Variants in OLFML2A observed in about 807,000 individuals in gnomAD.
OLFML2A encodes olfactomedin-like protein 2A.
OLFML2A carries 47 observed loss-of-function variants against 60.9 expected under a neutral mutation model. The observed-to-expected ratio is 0.77, with a 90% CI of 0.61 to 0.98. OLFML2A has a LOEUF of 0.98. Ranked by LOEUF, OLFML2A falls within the 50% of genes least tolerant of loss-of-function variation. The pLI, the probability that OLFML2A is intolerant of heterozygous loss-of-function variation, is 0.00. For synonymous variants in OLFML2A, 372 were observed against 375.0 expected, an observed-to-expected ratio of 0.99 and a Z score of 0.09; for missense variants, 922 against 879.8, an observed-to-expected ratio of 1.05 and a Z score of -0.61.
rs1407477623 is a variant in OLFML2A at position 124,795,022 on chromosome 9, A to G, written c.355-2A>G. On this transcript the variant is annotated splice_acceptor_variant, in intron 2 of 7. Coordinates refer to ENST00000373580, the MANE Select transcript of OLFML2A (RefSeq NM_182487.4). LOFTEE classifies it high-confidence loss of function. Reference sequence around the variant, plus strand: ...GCCTAACCATCCCCCTTCCCCGGGCAGCTGCAGTCCATGGTGGATCTCCTG... The same window carrying G: ...GCCTAACCATCCCCCTTCCCCGGGCGGCTGCAGTCCATGGTGGATCTCCTG... 1 of 1,581,938 alleles carries G rather than the reference A, an allele frequency of 6.3e-7. No homozygotes were observed. Among genetic ancestry groups the G allele is most frequent in the South Asian group, 1.1e-5 (1 of 88,162 alleles).
At position 124,787,007 on chromosome 9, in the gene OLFML2A, C is replaced by T. The variant is rs1841486413; in HGVS notation, c.123C>T (p.Thr41=). 6.2e-7 allele frequency: 1 copy of T among 1,613,628 alleles called. No homozygotes were observed. The highest frequency in any genetic ancestry group is 1.3e-5 in the African/African-American group (1 of 74,928). ...VFGDLDQVRM[T]SEGSDCRCKC... is the part of the protein sequence containing the mutation. Reference sequence around the variant, plus strand: ...GGGACCTGGACCAGGTGAGGATGACCTCGGAGGGCTCCGACTGCCGTTGCA... The same window carrying T: ...GGGACCTGGACCAGGTGAGGATGACTTCGGAGGGCTCCGACTGCCGTTGCA... The change falls in exon 2 of 8, where the codon ACC becomes ACT. Residue 41 remains threonine (T), a synonymous_variant. Coordinates refer to ENST00000373580, the MANE Select transcript of OLFML2A (RefSeq NM_182487.4).
chr9:124,807,875 C>T lies in OLFML2A; in HGVS notation c.1263C>T (p.Asp421=), dbSNP rs750019347. Residue 421 remains aspartate (D), a synonymous_variant, in exon 7 of 8, where the codon GAC becomes GAT. Coordinates refer to ENST00000373580, the MANE Select transcript of OLFML2A (RefSeq NM_182487.4). ...YGRHEGAWMK[D]PAARDDRIYV... ...GCCACGAGGGAGCCTGGATGAAGGA[C>T]CCTGCAGCTCGAGACGACAGGATCT... The T allele has an allele frequency of 1.2e-6, 2 of 1,614,108 alleles. No individual in the cohort carries two copies. Among genetic ancestry groups the T allele is most frequent in the Non-Finnish European group, 1.7e-6 (2 of 1,179,974 alleles).
At chr9:124,798,696 A>G (rs1841711947) in intron 3 of OLFML2A, among the ~76,000 whole-genome samples, 1 of 146,360 alleles carries the variant, frequency 6.8e-6, no homozygotes, top group East Asian at 2.2e-4. Context: ...TTAGCCGGGC[A>G]TGTGGTGGGT....
rs1841986048 is a variant in OLFML2A, at chr9:124,810,336, A to G, written c.1883A>G (p.Tyr628Cys). 2 of 1,605,630 alleles carry G rather than the reference A, an allele frequency of 1.2e-6. No homozygotes were observed. The highest frequency in any genetic ancestry group is 1.7e-6 in the Non-Finnish European group (2 of 1,179,954). The change falls in exon 8 of 8, where the codon TAC (tyrosine) becomes TGC (cysteine). Residue 628 changes from tyrosine to cysteine, a missense_variant. Coordinates refer to ENST00000373580, the MANE Select transcript of OLFML2A (RefSeq NM_182487.4). Reference sequence around the variant, plus strand: ...CACGCCTACACCACCCAGATCGACTACAACCCCAAGGAGCGGGTGCTGTAC... The same window carrying G: ...CACGCCTACACCACCCAGATCGACTGCAACCCCAAGGAGCGGGTGCTGTAC... ...NEHAYTTQID[Y>C]NPKERVLYAW...
chr9:124,789,652 C>T (rs1429978595), intron 2 of OLFML2A, among the ~76,000 whole-genome samples: 2 of 152,220 alleles, frequency 1.3e-5, no homozygotes, highest in African/African-American at 4.8e-5. Context: ...ACAGTCAGTG[C>T]CTCTGCACGC....
intron 5 of OLFML2A, 54 bp from the exon 6 acceptor site, chr9:124,804,040 C>A (rs894374231): frequency 1.3e-6 from 2 of 1,590,630 alleles, no homozygotes; most frequent in African/African-American, 2.7e-5. Flanking sequence ...TTAGGGAGAC[C>A]CACACGGCAG....
Position 124,810,326 on chromosome 9 carries a change from C to T in OLFML2A, c.1873C>T (p.Gln625Ter). The T allele has an allele frequency of 6.2e-7, 1 of 1,606,464 alleles. No homozygotes were observed. Among genetic ancestry groups the T allele is most frequent in the Non-Finnish European group, 8.5e-7 (1 of 1,179,970 alleles). ...PFLNEHAYTT[Q>*]IDYNPKERVL... Reference sequence around the variant, plus strand: ...CCTCAACGAGCACGCCTACACCACCCAGATCGACTACAACCCCAAGGAGCG... The same window carrying T: ...CCTCAACGAGCACGCCTACACCACCTAGATCGACTACAACCCCAAGGAGCG... The change falls in exon 8 of 8, where the codon CAG (glutamine) becomes TAG (stop). Residue 625 changes from glutamine to a stop codon, truncating the protein, a stop_gained. Coordinates refer to ENST00000373580, the MANE Select transcript of OLFML2A (RefSeq NM_182487.4). LOFTEE classifies it high-confidence loss of function.
chr9:124,806,614 A>T (rs530449781), intron 6 of OLFML2A, among the ~76,000 whole-genome samples: 64 of 151,380 alleles, frequency 4.2e-4, no homozygotes, highest in African/African-American at 1.3e-3. Flanking sequence ...ATTTTTATTT[A>T]TTTTTATTTT....
chr9:124,799,233 G>C (rs1475563544), intron 3 of OLFML2A, 52 bp from the exon 4 acceptor site: 3 of 1,308,380 alleles, frequency 2.3e-6, no homozygotes, highest in Non-Finnish European at 3.3e-6. Context: ...CCAGGCTAGG[G>C]GTTCAGAGGA....
intron 5 of OLFML2A, among the ~76,000 whole-genome samples, 154 bp from the exon 6 acceptor site, chr9:124,803,940 A>G (rs1228984376): frequency 2.0e-5 from 3 of 151,364 alleles, no homozygotes; most frequent in African/African-American, 7.3e-5. Context: ...CCATTTGGAG[A>G]CCTTTCACCC....
Position 124,777,413 on chromosome 9 carries a change from GGC to G in OLFML2A, c.90+56_90+57del. On this transcript the variant is annotated intron_variant, in intron 1 of 7. Coordinates refer to ENST00000373580, the MANE Select transcript of OLFML2A (RefSeq NM_182487.4). The surrounding 1 kb of genome is among the most constrained non-coding windows in gnomAD (Gnocchi z 6.2). Reference sequence around the variant, plus strand: ...CTCGGCGGGTAGCGGGGCGCGAGGGGGCGCTGTGGCTGGGGTGCGGCCCGGGA... The same window carrying G: ...CTCGGCGGGTAGCGGGGCGCGAGGGGGCTGTGGCTGGGGTGCGGCCCGGGA... The G allele has an allele frequency of 8.2e-7, 1 of 1,223,282 alleles. No homozygotes were observed. The highest frequency in any genetic ancestry group is 1.0e-6 in the Non-Finnish European group (1 of 981,466). The allele number at this position is 1,223,282 out of a possible 1,614,324, so 75.8% of individuals were successfully genotyped here.
At chr9:124,794,983 G>A in intron 2 of OLFML2A, 41 bp from the exon 3 acceptor site, 1 of 1,247,538 alleles carries the variant, frequency 8.0e-7, no homozygotes, top group Non-Finnish European at 1.2e-6. Context: ...GGCCGGCCAT[G>A]TGCTGCACTC....
intron 1 of OLFML2A, among the ~76,000 whole-genome samples, 180 bp from the exon 2 acceptor site, chr9:124,786,795 C>CAG (rs1424159001): frequency 2.5e-4 from 31 of 121,780 alleles, no homozygotes; most frequent in African/African-American, 1.0e-3. Flanking sequence ...CACACACACA[C>CAG]ACAGAGTTGT....
chr9:124,787,854 C>T (rs74430148), intron 2 of OLFML2A, among the ~76,000 whole-genome samples: 1,896 of 151,968 alleles, frequency 0.012, 34 homozygotes, highest in African/African-American at 0.043. Flanking sequence ...CCACCGTGCC[C>T]GGCCTTCTCT....
intron 1 of OLFML2A, among the ~76,000 whole-genome samples, chr9:124,781,803 A>G (rs1299825227): frequency 6.6e-6 from 1 of 152,084 alleles, no homozygotes; most frequent in Non-Finnish European, 1.5e-5. Flanking sequence ...AAAAAAAAAA[A>G]AAAAGACACA....
rs746350003 is a variant in OLFML2A, at chr9:124,795,125, G to A, written c.456G>A (p.Leu152=). The A allele has an allele frequency of 7.6e-6, 12 of 1,588,128 alleles. No individual in the cohort carries two copies. Among genetic ancestry groups the A allele is most frequent in the Non-Finnish European group, 9.5e-6 (11 of 1,161,014 alleles). ...VHKVASQMNT[L]EESIKANLSR... is the part of the protein sequence containing the mutation. ...AGGTGGCCTCCCAGATGAACACACT[G>A]GAAGAGGTAAGGGCGGGGCTGCCGC... Residue 152 remains leucine, a synonymous_variant, in exon 3 of 8, where the codon CTG becomes CTA. Coordinates refer to ENST00000373580, the MANE Select transcript of OLFML2A (RefSeq NM_182487.4).
chr9:124,807,849 C>A lies in OLFML2A; in HGVS notation c.1237C>A (p.Arg413Ser). ...DPPVRHHSYG[R>S]HEGAWMKDPA... is the part of the protein sequence containing the mutation. ...CCCTGTGAGGCACCACAGCTATGGGCGCCACGAGGGAGCCTGGATGAAGGA... is the reference window on the plus strand; with the variant it reads ...CCCTGTGAGGCACCACAGCTATGGGAGCCACGAGGGAGCCTGGATGAAGGA... The change falls in exon 7 of 8, where the codon CGC (arginine) becomes AGC (serine). Residue 413 changes from arginine to serine, a missense_variant. Coordinates refer to ENST00000373580, the MANE Select transcript of OLFML2A (RefSeq NM_182487.4). 2 of 1,614,002 alleles carry A rather than the reference C, an allele frequency of 1.2e-6. No individual in the cohort carries two copies. Among genetic ancestry groups the A allele is most frequent in the Non-Finnish European group, 1.7e-6 (2 of 1,179,936 alleles).
At position 124,799,519 on chromosome 9, in the gene OLFML2A, C is replaced by T. The variant is rs186081214; in HGVS notation, c.669+28C>T. On this transcript the variant is annotated intron_variant, in intron 4 of 7. Coordinates refer to ENST00000373580, the MANE Select transcript of OLFML2A (RefSeq NM_182487.4). ...GAGGCCCCAGCTCTGATCATGGGGCCGGAGCTGGCTGAACTTGGGAGCTCA... is the reference window on the plus strand; with the variant it reads ...GAGGCCCCAGCTCTGATCATGGGGCTGGAGCTGGCTGAACTTGGGAGCTCA... 628 of 1,538,078 alleles carry T rather than the reference C, an allele frequency of 4.1e-4. 1 individual carries two copies. The African/African-American group carries it at 7.6e-3, about 19-fold the overall frequency.
At chr9:124,800,828 T>A (rs1025370907) in intron 4 of OLFML2A, 1 of 1,376,586 alleles carries the variant, frequency 7.3e-7, no homozygotes, top group Non-Finnish European at 9.4e-7. Flanking sequence ...ATCGGAGGCA[T>A]TTAAATAGGA....
Sources: allele counts gnomAD v4.1 joint callset (sites outside exome capture counted in the v4.1 genomes callset), GRCh38; gene constraint gnomAD v4.1.1; non-coding constraint Gnocchi (gnomAD v3.1); transcripts MANE v1.5; gene names NCBI Gene and HGNC (gene_info 2026-07-23, HGNC 2026-07-21).